FRMD6: variants seen among roughly 807,000 people sequenced by gnomAD.
The protein encoded by FRMD6 is FERM domain-containing protein 6.
In FRMD6, 37 loss-of-function variants were observed where a neutral mutation model predicts 73.2. The ratio of observed to expected loss-of-function variants is 0.51; its 90% CI spans 0.39 to 0.66. The LOEUF (loss-of-function observed/expected upper bound fraction) is 0.66, where lower values mean the gene tolerates loss of function less well. Among genes scored for constraint, FRMD6 ranks in the 30% least tolerant of loss-of-function variants. The pLI is 0.00. For synonymous variants in FRMD6, 273 were observed against 282.2 expected, an observed-to-expected ratio of 0.97 and a Z score of 0.33; for missense variants, 714 against 780.5, an observed-to-expected ratio of 0.91 and a Z score of 1.02.
At chr14:51,621,446 A>G (rs919800426) in intron 2 of FRMD6, among the ~76,000 whole-genome samples, 1 of 152,220 alleles carries the variant, frequency 6.6e-6, no homozygotes, top group African/African-American at 2.4e-5. Flanking sequence ...CTCCACCATC[A>G]CATTCAGATG....
intron 2 of FRMD6, among the ~76,000 whole-genome samples, chr14:51,581,263 A>G (rs915941296): frequency 1.3e-5 from 2 of 151,796 alleles, no homozygotes; most frequent in African/African-American, 4.8e-5. Context: ...TTTATCTACT[A>G]CCTCCTCTCC....
At chr14:51,669,195 C>T (rs1186348000) in intron 1 of FRMD6, among the ~76,000 whole-genome samples, 1 of 152,022 alleles carries the variant, frequency 6.6e-6, no homozygotes, top group Non-Finnish European at 1.5e-5. Context: ...TTCACTTTAG[C>T]ATGATGTATT....
At chr14:51,417,244 G>C in the FRMD6 span, among the ~76,000 whole-genome samples, 1 of 152,204 alleles carries the variant, frequency 6.6e-6, no homozygotes, top group Non-Finnish European at 1.5e-5. Flanking sequence ...TTTCTTCCTA[G>C]CATCAGTGGT....
At chr14:51,647,330 G>A (rs1892122377), upstream of FRMD6, among the ~76,000 whole-genome samples, 1 of 152,102 alleles carries the variant, frequency 6.6e-6, no homozygotes, top group Non-Finnish European at 1.5e-5. Context: ...CTGGTTAGGG[G>A]CTCCCGGTGT....
At chr14:51,466,476 C>T in the FRMD6 span, among the ~76,000 whole-genome samples, 2 of 152,092 alleles carry the variant, frequency 1.3e-5, no homozygotes, top group Non-Finnish European at 2.9e-5. Flanking sequence ...TATATGAATA[C>T]GTAGTTGATC....
the FRMD6 span, among the ~76,000 whole-genome samples, chr14:51,459,110 T>C: frequency 3.3e-5 from 5 of 152,366 alleles, no homozygotes; most frequent in Admixed American, 1.3e-4. Context: ...TCCCCTTAGA[T>C]TGACCCTTAG....
intron 1 of FRMD6, among the ~76,000 whole-genome samples, chr14:51,566,707 A>G (rs1887794150): frequency 6.6e-6 from 1 of 152,230 alleles, no homozygotes; most frequent in Non-Finnish European, 1.5e-5. Context: ...TTTTGCCATT[A>G]CTTTTTACCG....
chr14:51,612,120 A>G (rs1042495806), intron 2 of FRMD6, among the ~76,000 whole-genome samples: 14 of 152,258 alleles, frequency 9.2e-5, no homozygotes, highest in Non-Finnish European at 2.9e-5. Context: ...TTTCAAAAGA[A>G]ATGCCTGAAC....
At chr14:51,639,710 A>G (rs1891735716) in intron 2 of FRMD6, among the ~76,000 whole-genome samples, 1 of 152,214 alleles carries the variant, frequency 6.6e-6, no homozygotes, top group Non-Finnish European at 1.5e-5. Flanking sequence ...CTTGTCGTTC[A>G]TAGAATAAAA....
chr14:51,720,325 G>A lies in FRMD6; in HGVS notation c.1295G>A (p.Ser432Asn). 6.2e-7 allele frequency: 1 copy of A among 1,613,970 alleles called. No individual in the cohort carries two copies. The highest frequency in any genetic ancestry group is 8.5e-7 in the Non-Finnish European group (1 of 1,180,032). ...KTCSSMTSHG[S>N]SHTSGVESGG... ...TGCAGCTCAATGACCAGTCATGGCA[G>A]CTCCCACACCTCAGGGGTGGAGAGT... is the stretch of plus-strand genomic sequence containing the variant. The change falls in exon 11 of 14, where the codon AGC becomes AAC. Residue 432 changes from serine to asparagine, a missense_variant. Physicochemically the swap from Ser to Asn is conservative, Grantham distance 46 (BLOSUM62 1). Transcript: ENST00000344768.
At chr14:51,545,224 C>A (rs915792224) in intron 1 of FRMD6, among the ~76,000 whole-genome samples, 6 of 152,102 alleles carry the variant, frequency 3.9e-5, no homozygotes, top group South Asian at 2.1e-4. Flanking sequence ...TTAATATCAA[C>A]TTTTGCTGTT....
intron 2 of FRMD6, among the ~76,000 whole-genome samples, chr14:51,694,287 TA>T (rs1248230789): frequency 2.0e-5 from 3 of 152,222 alleles, no homozygotes; most frequent in African/African-American, 7.2e-5. Context: ...CACGAGCTTA[TA>T]TGTCTTCACT....
chr14:51,498,630 C>T (rs1315788498), intron 1 of FRMD6, among the ~76,000 whole-genome samples: 1 of 152,198 alleles, frequency 6.6e-6, no homozygotes, highest in African/African-American at 2.4e-5. Context: ...TCTGCTCTTT[C>T]ATCCTTCAGG....
At chr14:51,539,313 A>G (rs540486950) in intron 1 of FRMD6, among the ~76,000 whole-genome samples, 1 of 148,950 alleles carries the variant, frequency 6.7e-6, no homozygotes, top group East Asian at 2.0e-4. Flanking sequence ...GGAAGCCATC[A>G]TAGTACTGTG....
upstream of FRMD6, among the ~76,000 whole-genome samples, chr14:51,486,685 A>G (rs1882767195): frequency 6.6e-6 from 1 of 152,194 alleles, no homozygotes; most frequent in Non-Finnish European, 1.5e-5. Context: ...AGACTCAATC[A>G]CAAGATGCCT....
intron 2 of FRMD6, among the ~76,000 whole-genome samples, chr14:51,588,630 G>A (rs141366579): frequency 2.6e-5 from 4 of 152,220 alleles, no homozygotes; most frequent in African/African-American, 7.2e-5. Flanking sequence ...GCTCACATGA[G>A]GAGAGTTTTA....
chr14:51,669,513 A>T (rs1255253364), intron 1 of FRMD6, among the ~76,000 whole-genome samples: 1 of 152,190 alleles, frequency 6.6e-6, no homozygotes, highest in African/African-American at 2.4e-5. Flanking sequence ...ATTCTCACTA[A>T]GATTTGGTAT....
At chr14:51,650,385 A>G (rs1385518925), upstream of FRMD6, 2 of 145,480 alleles carry the variant, frequency 1.4e-5, no homozygotes, top group Non-Finnish European at 3.0e-5. Flanking sequence ...TGAAAAGAGC[A>G]GGGCAGTTTT....
chr14:51,590,958 T>C (rs1889350578), intron 2 of FRMD6, among the ~76,000 whole-genome samples: 1 of 152,264 alleles, frequency 6.6e-6, no homozygotes, highest in Admixed American at 6.5e-5. Context: ...AAATGAAACC[T>C]GCTCAGCCTG....
Sources: gnomAD v4.1 joint callset for allele counts (sites outside exome capture counted in the v4.1 genomes callset) on GRCh38, gnomAD v4.1.1 for gene constraint, MANE v1.5 for transcripts, NCBI Gene and HGNC (gene_info 2026-07-23, HGNC 2026-07-21) for gene names.